NDST3: variants seen among roughly 807,000 people sequenced by gnomAD.
NDST3 encodes bifunctional heparan sulfate N-deacetylase/N-sulfotransferase 3.
A neutral mutation model predicts 96.1 loss-of-function variants in NDST3; 58 were observed. The ratio of observed to expected loss-of-function variants is 0.60; its 90% CI spans 0.49 to 0.75. The LOEUF (loss-of-function observed/expected upper bound fraction) is 0.75. NDST3 is among the 30% of genes least tolerant of loss of function. The probability of loss-of-function intolerance (pLI) is 0.00; values close to 1 mark genes in which losing one functional copy is unlikely to be tolerated. For synonymous variants in NDST3, 333 were observed against 359.7 expected (o/e 0.93, Z 0.84); for missense variants, 788 against 1,034.2 (o/e 0.76, Z 3.27).
intron 6 of NDST3, among the ~76,000 whole-genome samples, chr4:118,159,728 G>A (rs1405308981): frequency 2.0e-5 from 3 of 152,078 alleles, no homozygotes; most frequent in Non-Finnish European, 4.4e-5. Context: ...TATTAAAAAT[G>A]GAATCAAATA....
chr4:118,059,192 G>T (rs1725699483), intron 2 of NDST3, among the ~76,000 whole-genome samples: 1 of 152,086 alleles, frequency 6.6e-6, no homozygotes. Context: ...TGAGCTTACT[G>T]AAGAGGTAAC....
At chr4:118,052,819 CAT>C (rs1725157625) in intron 1 of NDST3, among the ~76,000 whole-genome samples, 1 of 151,914 alleles carries the variant, frequency 6.6e-6, no homozygotes, top group African/African-American at 2.4e-5. Context: ...AAGAAGCACT[CAT>C]GTTTCTTTCT....
intron 2 of NDST3, among the ~76,000 whole-genome samples, chr4:118,094,451 C>A (rs1729130729): frequency 6.6e-6 from 1 of 151,804 alleles, no homozygotes; most frequent in Non-Finnish European, 1.5e-5. Flanking sequence ...CCTTCTTTTT[C>A]CTCACTGAAG....
chr4:118,176,916 T>C (rs1398636976), intron 6 of NDST3, among the ~76,000 whole-genome samples: 1 of 152,026 alleles, frequency 6.6e-6, no homozygotes, highest in Non-Finnish European at 1.5e-5. Context: ...AATAGAGGTC[T>C]TCAAGGAGAA....
intron 9 of NDST3, among the ~76,000 whole-genome samples, chr4:118,235,193 C>G (rs1253019040): frequency 6.6e-6 from 1 of 152,066 alleles, no homozygotes; most frequent in Non-Finnish European, 1.5e-5. Context: ...GGGAGGCAGG[C>G]ATTTGCTTTT....
At chr4:118,037,155 G>C (rs1214293046) in intron 1 of NDST3, among the ~76,000 whole-genome samples, 1 of 152,024 alleles carries the variant, frequency 6.6e-6, no homozygotes, top group East Asian at 1.9e-4. Flanking sequence ...TATCCTGTTT[G>C]TTCAACATTT....
chr4:118,194,832 G>A (rs1487398416), intron 6 of NDST3: 3 of 336,752 alleles, frequency 8.9e-6, no homozygotes, highest in Non-Finnish European at 1.6e-5. Flanking sequence ...TACCTTCAGG[G>A]TGTGCAGGAG....
chr4:118,114,501 A>T (rs1468791501), intron 3 of NDST3, among the ~76,000 whole-genome samples: 2 of 152,136 alleles, frequency 1.3e-5, no homozygotes, highest in East Asian at 3.9e-4. Context: ...CAGACTATAA[A>T]CTGCACAAAA....
intron 6 of NDST3, 94 bp from the exon 7 acceptor site, chr4:118,224,394 GACT>G: frequency 9.0e-7 from 1 of 1,114,046 alleles, no homozygotes; most frequent in South Asian, 2.0e-5. Flanking sequence ...ACCCTGTGCA[GACT>G]ACTTAAGGAA....
At chr4:118,146,838 A>G (rs1733986974) in intron 6 of NDST3, among the ~76,000 whole-genome samples, 1 of 152,174 alleles carries the variant, frequency 6.6e-6, no homozygotes, top group South Asian at 2.1e-4. Flanking sequence ...CTAGCAGGCT[A>G]TCTGAGCCTG....
chr4:118,223,843 C>A (rs962077759), intron 6 of NDST3, among the ~76,000 whole-genome samples: 16 of 150,028 alleles, frequency 1.1e-4, no homozygotes, highest in African/African-American at 1.5e-4. Flanking sequence ...GTCACAATGG[C>A]TTTCTTTGCC....
At position 118,054,305 on chromosome 4, in the gene NDST3, T is replaced by A; in HGVS notation, c.395T>A (p.Ile132Asn). The part of the protein sequence containing the change: ...DKMKGKYILI[I>N]YENILKYINM... The stretch of plus-strand genomic sequence containing the variant: ...ATGAAAGGCAAATACATTCTCATTA[T>A]TTATGAGAATATTTTAAAGTATATA... The change falls in exon 2 of 14, where the codon ATT (isoleucine) becomes AAT (asparagine). Residue 132 changes from isoleucine to asparagine, a missense_variant. Physicochemically the swap from Ile to Asn is moderately radical, Grantham distance 149 (BLOSUM62 -3). Transcript: ENST00000296499. The A allele has an allele frequency of 6.2e-7, 1 of 1,609,350 alleles. No individual in the cohort carries two copies. The highest frequency in any genetic ancestry group is 8.5e-7 in the Non-Finnish European group (1 of 1,176,862).
Position 118,255,606 on chromosome 4 carries a change from T to C in NDST3, c.2516T>C (p.Leu839Pro). The change falls in exon 14 of 14, where the codon CTG becomes CCG. Residue 839 changes from leucine to proline, a missense_variant. This residue lies in a region of NDST3 where 64 missense variants were observed against 68.5 expected (regional missense o/e 0.93). Coordinates refer to ENST00000296499, the MANE Select transcript of NDST3 (RefSeq NM_004784.3). ...CTCTCCACTTAGAGCAGGACATTTC[T>C]GTCAAGCTACTATCGAGATCACAAC... Reference protein sequence around the residue: ...PPMDSDSRTFLSSYYRDHNVE... With the variant: ...PPMDSDSRTFPSSYYRDHNVE... 1 of 1,613,014 alleles carries C rather than the reference T, an allele frequency of 6.2e-7. No homozygotes were observed. The highest frequency in any genetic ancestry group is 8.5e-7 in the Non-Finnish European group (1 of 1,179,312).
chr4:118,214,547 A>T (rs913507304), intron 6 of NDST3, among the ~76,000 whole-genome samples: 1 of 152,172 alleles, frequency 6.6e-6, no homozygotes, highest in African/African-American at 2.4e-5. Flanking sequence ...CTAAACATAT[A>T]TTTTAAATTA....
At chr4:118,055,372 G>A (rs1213889645) in intron 2 of NDST3, 1 of 182,872 alleles carries the variant, frequency 5.5e-6, no homozygotes, top group Non-Finnish European at 1.1e-5. Flanking sequence ...ATATTTTTCT[G>A]AAACTGAAAA....
At chr4:118,151,813 T>C (rs1734417609) in intron 6 of NDST3, among the ~76,000 whole-genome samples, 1 of 152,210 alleles carries the variant, frequency 6.6e-6, no homozygotes, top group South Asian at 2.1e-4. Context: ...TTTACTGCTG[T>C]TCATCCCAAA....
chr4:118,096,603 C>G (rs559088887), intron 2 of NDST3, among the ~76,000 whole-genome samples: 1 of 151,970 alleles, frequency 6.6e-6, no homozygotes, highest in Non-Finnish European at 1.5e-5. Flanking sequence ...GACAGATAAT[C>G]TTCTATTGAT....
chr4:118,111,784 T>C lies in NDST3; in HGVS notation c.1070-3022T>C, dbSNP rs183393670. On this transcript the variant is annotated intron_variant, in intron 3 of 13. Transcript: ENST00000296499. The stretch of plus-strand genomic sequence containing the variant: ...TAAATATGTCAGAAGGCAGATATCA[T>C]TTGTCTAACTCTTGCATGATTCAAA... Among the ~76,000 whole-genome samples the C allele has an allele frequency of 2.2e-3, 333 of 152,170 alleles. 2 individuals carry two copies. The highest frequency in any genetic ancestry group is 7.6e-3 in the African/African-American group (316 of 41,510).
intron 4 of NDST3, among the ~76,000 whole-genome samples, chr4:118,120,815 C>A (rs1177385387): frequency 2.0e-5 from 3 of 152,118 alleles, no homozygotes. Context: ...TTCTTATATC[C>A]CCCAATCTGA....
Sources: gnomAD v4.1 joint callset for allele counts (sites outside exome capture counted in the v4.1 genomes callset) on GRCh38, gnomAD v4.1.1 for gene constraint, gnomAD v4.1.1 regional missense constraint, MANE v1.5 for transcripts, NCBI Gene and HGNC (gene_info 2026-07-23, HGNC 2026-07-21) for gene names.